SPEF2: variants seen among roughly 807,000 people sequenced by gnomAD.
SPEF2 encodes the protein sperm flagellar and cilia associated 2, also known as sperm flagella and cilia-associated protein 2.
Under a neutral mutation model 224.6 loss-of-function variants are expected in SPEF2, and 187 were observed. The ratio of observed to expected loss-of-function variants is 0.83; its 90% CI spans 0.74 to 0.94. SPEF2 has a LOEUF of 0.94. Ranked by LOEUF, SPEF2 falls within the 40% of genes least tolerant of loss-of-function variation. The probability of loss-of-function intolerance (pLI) is 0.00; values close to 1 mark genes in which losing one functional copy is unlikely to be tolerated. For missense variants in SPEF2, 2,170 were observed against 2,135.6 expected (o/e 1.02, Z -0.32); for synonymous variants, 715 against 707.3 (o/e 1.01, Z -0.17).
chr5:35,664,809 A>C (rs1164424417), intron 8 of SPEF2, among the ~76,000 whole-genome samples: 2 of 102,008 alleles, frequency 2.0e-5, no homozygotes, highest in Non-Finnish European at 4.0e-5. Flanking sequence ...AGGGAGAGGA[A>C]GAGGGAGAGG....
In SPEF2 at chr5:35,692,865, A is replaced by T. The variant is rs1031799808; in HGVS notation, c.1899+141A>T. 5.8e-6 allele frequency: 4 copies of T among 687,360 alleles called. No individual in the cohort carries two copies. The African/African-American group carries it at 7.4e-5, about 13-fold the overall frequency. 42.6% of individuals were successfully genotyped at this position (687,360 alleles called of 1,614,324 possible). ...AAAAGTTTAGGTTCTGCAAAAGTCT[A>T]GAAAATAAATATTTAAGTTAAATAT... On this transcript the variant is annotated intron_variant, in intron 12 of 36. Transcript: ENST00000356031.
chr5:35,799,046 CCT>C (rs1232456012), intron 33 of SPEF2, among the ~76,000 whole-genome samples: 3 of 152,088 alleles, frequency 2.0e-5, no homozygotes, highest in African/African-American at 7.2e-5. Context: ...GAGGAAATAC[CCT>C]CTGACTCTAG....
At chr5:35,654,402 T>C (rs778522761) in intron 6 of SPEF2, 138 bp from the exon 7 acceptor site, 2 of 642,878 alleles carry the variant, frequency 3.1e-6, no homozygotes, top group South Asian at 3.6e-5. Context: ...ATTTCAAATA[T>C]TTTCTTCAAT....
intron 34 of SPEF2, among the ~76,000 whole-genome samples, chr5:35,803,089 AT>A (rs1222417507): frequency 1.3e-5 from 2 of 152,166 alleles, no homozygotes; most frequent in Non-Finnish European, 2.9e-5. Flanking sequence ...CTTGATTAGT[AT>A]TTGTGAACAT....
intron 15 of SPEF2, chr5:35,699,161 CT>C (rs1460088129): frequency 6.6e-6 from 1 of 152,178 alleles, no homozygotes; most frequent in Non-Finnish European, 1.5e-5. Context: ...TGTTTTCCCC[CT>C]CCTTCCTTGT....
chr5:35,690,924 T>C, intron 10 of SPEF2, 113 bp from the exon 11 acceptor site: 1 of 700,548 alleles, frequency 1.4e-6, no homozygotes, highest in Non-Finnish European at 2.3e-6. Flanking sequence ...AATTAAAGTA[T>C]TCATTGGCTT....
chr5:35,658,583 TA>T (rs1161686878), intron 7 of SPEF2, among the ~76,000 whole-genome samples: 1 of 149,814 alleles, frequency 6.7e-6, no homozygotes, highest in Non-Finnish European at 1.5e-5. Context: ...TTATAGCACT[TA>T]TTTTTTTTTT....
chr5:35,679,830 CTAATCTATTGCTACCCATG>C (rs1752542735), intron 10 of SPEF2, among the ~76,000 whole-genome samples: 1 of 152,176 alleles, frequency 6.6e-6, no homozygotes, highest in Non-Finnish European at 1.5e-5. Context: ...CTGACCAGCT[CTAATCTATTGCTACCCATG>C]TTCAAGTGTG....
At chr5:35,627,994 TA>T in intron 1 of SPEF2, among the ~76,000 whole-genome samples, 1 of 152,356 alleles carries the variant, frequency 6.6e-6, no homozygotes, top group East Asian at 1.9e-4. Flanking sequence ...CAAATGGCTT[TA>T]GTAAACTTTC....
At chr5:35,630,334 A>G (rs968228840) in intron 2 of SPEF2, among the ~76,000 whole-genome samples, 1 of 152,030 alleles carries the variant, frequency 6.6e-6, no homozygotes, top group East Asian at 1.9e-4. Flanking sequence ...CTGACCCCAC[A>G]TTTCCCTTCT....
intron 25 of SPEF2, among the ~76,000 whole-genome samples, chr5:35,760,818 C>T (rs919212336): frequency 1.3e-5 from 2 of 151,906 alleles, no homozygotes; most frequent in South Asian, 4.1e-4. Context: ...AACTATAAAA[C>T]ATTAAGAGAG....
intron 30 of SPEF2, among the ~76,000 whole-genome samples, chr5:35,785,469 T>TA (rs1473106006): frequency 6.6e-6 from 1 of 152,190 alleles, no homozygotes; most frequent in Non-Finnish European, 1.5e-5. Flanking sequence ...GTTTTGAAAC[T>TA]AGCAAAATCA....
Position 35,659,126 on chromosome 5 carries a change from A to G in SPEF2, c.1086A>G (p.Leu362=). Residue 362 remains leucine, a synonymous_variant, in exon 8 of 37, where the codon TTA becomes TTG. Coordinates refer to ENST00000356031, the MANE Select transcript of SPEF2 (RefSeq NM_024867.4). ...LMHVRHEKEV[L]WQNRIFREKQ... is the part of the protein sequence containing the mutation. ...ATGTTCGGCATGAAAAGGAAGTTTTATGGCAAAACAGAATTTTCAGAGAAA... is the reference window on the plus strand; with the variant it reads ...ATGTTCGGCATGAAAAGGAAGTTTTGTGGCAAAACAGAATTTTCAGAGAAA... 6.2e-7 allele frequency: 1 copy of G among 1,613,374 alleles called. No homozygotes were observed. Among genetic ancestry groups the G allele is most frequent in the Admixed American group, 1.7e-5 (1 of 59,950 alleles).
Position 35,709,002 on chromosome 5 carries a change from C to A in SPEF2, c.2720C>A (p.Ala907Asp). The change falls in exon 19 of 37, where the codon GCT becomes GAT. Residue 907 changes from alanine (A) to aspartate (D), a missense_variant. Transcript: ENST00000356031. Reference sequence around the variant, plus strand: ...GAGAAAAAAGCAGCAGCTTCCCTGGCTGAGCTTCCACTTCCTACACCTCCT... The same window carrying A: ...GAGAAAAAAGCAGCAGCTTCCCTGGATGAGCTTCCACTTCCTACACCTCCT... Reference protein sequence around the residue: ...EAEKKAAASLAELPLPTPPPA... With the variant: ...EAEKKAAASLDELPLPTPPPA... 6.2e-7 allele frequency: 1 copy of A among 1,613,568 alleles called. No homozygotes were observed. The highest frequency in any genetic ancestry group is 1.1e-5 in the South Asian group (1 of 90,862).
intron 10 of SPEF2, among the ~76,000 whole-genome samples, chr5:35,677,826 G>A (rs1752233938): frequency 6.6e-6 from 1 of 152,192 alleles, no homozygotes; most frequent in Non-Finnish European, 1.5e-5. Context: ...ATGGCTTAGT[G>A]TCAGTTACCC....
chr5:35,704,825 G>A (rs549094011), intron 17 of SPEF2, among the ~76,000 whole-genome samples, 163 bp downstream of exon 17: 3 of 152,050 alleles, frequency 2.0e-5, no homozygotes, highest in Middle Eastern at 3.2e-3. Context: ...AAATATTTAT[G>A]TGCTAGCTTT....
At chr5:35,740,363 T>G in intron 23 of SPEF2, 96 bp downstream of exon 23, 1 of 1,485,098 alleles carries the variant, frequency 6.7e-7, no homozygotes, top group Non-Finnish European at 9.1e-7. Context: ...TTGTGAAGTA[T>G]GAGGATGAGA....
intron 8 of SPEF2, among the ~76,000 whole-genome samples, chr5:35,661,877 C>A (rs1342308677): frequency 6.6e-6 from 1 of 152,098 alleles, no homozygotes; most frequent in Non-Finnish European, 1.5e-5. Flanking sequence ...AATAGTGCTG[C>A]AATGAATGTA....
chr5:35,710,572 A>T (rs1430328448), intron 19 of SPEF2: 1 of 984,900 alleles, frequency 1.0e-6, no homozygotes, highest in Non-Finnish European at 1.2e-6. Context: ...AAAAGAAAAG[A>T]AAAATAACTG....
Sources: allele counts gnomAD v4.1 joint callset (sites outside exome capture counted in the v4.1 genomes callset), GRCh38; gene constraint gnomAD v4.1.1; transcripts MANE v1.5; gene names NCBI Gene and HGNC (gene_info 2026-07-23, HGNC 2026-07-21).